SZRD1: variants seen among roughly 807,000 people sequenced by gnomAD.
SZRD1 encodes the protein SUZ RNA-binding domain-containing.
SZRD1 carries 7 observed loss-of-function variants against 17.6 expected under a neutral mutation model. That is an observed-to-expected ratio of 0.40 (90% CI 0.23 to 0.75). SZRD1 has a LOEUF of 0.75. Among genes scored for constraint, SZRD1 ranks in the 30% least tolerant of loss-of-function variants. The pLI is 0.38. For synonymous variants in SZRD1, 77 were observed against 77.9 expected, an observed-to-expected ratio of 0.99 and a Z score of 0.06; for missense variants, 178 against 201.8, an observed-to-expected ratio of 0.88 and a Z score of 0.71.
intron 3 of SZRD1, among the ~76,000 whole-genome samples, chr1:16,394,169 G>T (rs899569763): frequency 6.6e-6 from 1 of 152,150 alleles, no homozygotes; most frequent in African/African-American, 2.4e-5. Flanking sequence ...GGGACTTGAA[G>T]AAAAAATCTG....
chr1:16,369,159 A>G, intron 1 of SZRD1: 1 of 439,064 alleles, frequency 2.3e-6, no homozygotes. Flanking sequence ...TTTAATCCTC[A>G]TCTTCCTCCT....
At chr1:16,373,025 C>T (rs1337125061) in intron 1 of SZRD1, among the ~76,000 whole-genome samples, 1 of 151,098 alleles carries the variant, frequency 6.6e-6, no homozygotes, top group Non-Finnish European at 1.5e-5. Context: ...AGGGCCAAAG[C>T]AGGCATGGAT....
intron 1 of SZRD1, among the ~76,000 whole-genome samples, chr1:16,378,446 C>G (rs976436534): frequency 1.3e-5 from 2 of 151,410 alleles, no homozygotes; most frequent in African/African-American, 4.9e-5. Flanking sequence ...CACCGTGACA[C>G]CTGGCTAATT....
chr1:16,382,833 T>C (rs780199387), intron 1 of SZRD1, among the ~76,000 whole-genome samples: 4 of 152,018 alleles, frequency 2.6e-5, no homozygotes, highest in Non-Finnish European at 5.9e-5. Context: ...AAAGCAGTGT[T>C]GTCCAACAGA....
At position 16,396,021 on chromosome 1, in the gene SZRD1, CAG is replaced by C. The variant is rs1443344386; in HGVS notation, c.*882_*883del. 1 of 152,712 alleles carries C rather than the reference CAG, an allele frequency of 6.5e-6. No homozygotes were observed. Among genetic ancestry groups the C allele is most frequent in the African/African-American group, 2.4e-5 (1 of 41,460 alleles). 9.5% of individuals were successfully genotyped at this position (152,712 alleles called of 1,614,324 possible). On this transcript the variant is annotated 3_prime_UTR_variant, in exon 4 of 4. Coordinates refer to ENST00000401088, the MANE Select transcript of SZRD1 (RefSeq NM_001114600.3). Reference sequence around the variant, plus strand: ...ACCGACTTCCCCTTCCCATACCCCTCAGGGTGGTTCCCTACCAGCCAGGCTTA... The same window carrying C: ...ACCGACTTCCCCTTCCCATACCCCTCGGTGGTTCCCTACCAGCCAGGCTTA...
chr1:16,377,681 T>A (rs1190202386), intron 1 of SZRD1, among the ~76,000 whole-genome samples: 1 of 152,200 alleles, frequency 6.6e-6, no homozygotes, highest in Non-Finnish European at 1.5e-5. Flanking sequence ...GTCTGATTTT[T>A]GGACAAATCA....
chr1:16,388,222 T>G (rs377615548), intron 1 of SZRD1, among the ~76,000 whole-genome samples: 1 of 152,252 alleles, frequency 6.6e-6, no homozygotes, highest in East Asian at 1.9e-4. Flanking sequence ...CAAGAGATTC[T>G]CCTGCCTCAG....
At chr1:16,384,590 G>A (rs908403062) in intron 1 of SZRD1, among the ~76,000 whole-genome samples, 10 of 152,132 alleles carry the variant, frequency 6.6e-5, no homozygotes, top group Admixed American at 4.6e-4. Context: ...GGGGAGACTG[G>A]TCCACCAGGA....
At chr1:16,376,085 A>G (rs891313323) in intron 1 of SZRD1, among the ~76,000 whole-genome samples, 6 of 152,154 alleles carry the variant, frequency 3.9e-5, no homozygotes, top group Admixed American at 2.0e-4. Context: ...CATTTTTACA[A>G]TCATTAGCAG....
At chr1:16,374,190 C>G (rs546009058) in intron 1 of SZRD1, among the ~76,000 whole-genome samples, 1 of 152,298 alleles carries the variant, frequency 6.6e-6, no homozygotes, top group South Asian at 2.1e-4. Flanking sequence ...AAGCACAGTT[C>G]CAGATACACC....
At chr1:16,375,401 G>C (rs1045772415) in intron 1 of SZRD1, among the ~76,000 whole-genome samples, 2 of 151,826 alleles carry the variant, frequency 1.3e-5, no homozygotes, top group African/African-American at 4.8e-5. Context: ...CTGAACCTCT[G>C]CCTTCCGGGT....
At chr1:16,387,382 C>T in intron 1 of SZRD1, 2 of 451,048 alleles carry the variant, frequency 4.4e-6, no homozygotes. Flanking sequence ...TGTGTGAGGC[C>T]CATTTCTCTC....
At chr1:16,387,375 G>T (rs148332847) in intron 1 of SZRD1, 6 of 452,700 alleles carry the variant, frequency 1.3e-5, no homozygotes, top group African/African-American at 2.0e-5. Flanking sequence ...ACTCTAATGT[G>T]TGAGGCCCAT....
In SZRD1 at chr1:16,396,774, A is replaced by G. The variant is rs903122619; in HGVS notation, c.*1634A>G. The G allele has an allele frequency of 3.3e-5, 5 of 152,356 alleles. No homozygotes were observed. Among genetic ancestry groups the G allele is most frequent in the African/African-American group, 1.2e-4 (5 of 41,438 alleles). The allele number at this position is 152,356 out of a possible 1,614,324, so 9.4% of individuals were successfully genotyped here. On this transcript the variant is annotated 3_prime_UTR_variant, in exon 4 of 4. Transcript: ENST00000401088. ...GTGGGAATGGTAGGCCAGGCCCAGT[A>G]AGCCATGCCCCAACACGTCCTCTCC...
chr1:16,370,276 A>G (rs142802408), intron 1 of SZRD1, among the ~76,000 whole-genome samples: 6 of 146,276 alleles, frequency 4.1e-5, no homozygotes, highest in Non-Finnish European at 9.0e-5. Flanking sequence ...CCCAGGCTGG[A>G]GTGCAGTGGC....
chr1:16,377,620 A>G (rs1380809333), intron 1 of SZRD1, among the ~76,000 whole-genome samples: 5 of 151,800 alleles, frequency 3.3e-5, no homozygotes, highest in Admixed American at 6.6e-5. Flanking sequence ...TTAACGGCCT[A>G]CTTTTCTCCA....
At chr1:16,379,342 ATC>A (rs1375963917) in intron 1 of SZRD1, among the ~76,000 whole-genome samples, 3 of 151,746 alleles carry the variant, frequency 2.0e-5, no homozygotes, top group Non-Finnish European at 2.9e-5. Context: ...TGGCCTCGTG[ATC>A]CGCCCGCCTC....
intron 1 of SZRD1, among the ~76,000 whole-genome samples, chr1:16,372,183 A>G (rs1018640212): frequency 2.6e-5 from 4 of 152,044 alleles, no homozygotes; most frequent in South Asian, 2.1e-4. Context: ...AAGACAATCA[A>G]TAAAATATGC....
At chr1:16,388,737 G>C (rs921058534) in intron 1 of SZRD1, among the ~76,000 whole-genome samples, 4 of 139,026 alleles carry the variant, frequency 2.9e-5, no homozygotes, top group African/African-American at 1.1e-4. Context: ...CCAGGCTGGA[G>C]TGCAGTGGTG....
Sources: gnomAD v4.1 joint callset for allele counts (sites outside exome capture counted in the v4.1 genomes callset) on GRCh38, gnomAD v4.1.1 for gene constraint, MANE v1.5 for transcripts, NCBI Gene and HGNC (gene_info 2026-07-23, HGNC 2026-07-21) for gene names.